Variants in DHX57 observed in about 807,000 individuals in gnomAD.
The protein encoded by DHX57 is putative ATP-dependent RNA helicase DHX57.
A neutral mutation model predicts 156.2 loss-of-function variants in DHX57; 105 were observed. The observed-to-expected ratio is 0.67, with a 90% confidence interval of 0.57 to 0.79. The LOEUF (loss-of-function observed/expected upper bound fraction) is 0.79. DHX57 is among the 30% of genes least tolerant of loss of function. The pLI is 0.00. For synonymous variants in DHX57, 704 were observed against 595.6 expected (o/e 1.18, Z -2.65); for missense variants, 1,847 against 1,661.9 (o/e 1.11, Z -1.94).
In DHX57 at chr2:38,806,586, G is replaced by T; in HGVS notation, c.3789C>A (p.His1263Gln). The change falls in exon 22 of 24, where the codon CAC (histidine) becomes CAA (glutamine). Residue 1263 changes from histidine to glutamine, a missense_variant. Transcript: ENST00000457308. ...KFVTKNDGYV[H>Q]IHPSSVNYQV... ...GATAGTTCACTGATGAAGGGTGAAT[G>T]TGTACATATCCATCGTTCTTGGTGA... 1 of 1,614,140 alleles carries T rather than the reference G, an allele frequency of 6.2e-7. No individual in the cohort carries two copies. Among genetic ancestry groups the T allele is most frequent in the Non-Finnish European group, 8.5e-7 (1 of 1,180,014 alleles).
intron 23 of DHX57, 149 bp downstream of exon 23, chr2:38,802,566 G>A: frequency 1.1e-6 from 1 of 951,256 alleles, no homozygotes; most frequent in Non-Finnish European, 1.5e-6. Flanking sequence ...GGGATTATAG[G>A]TGTGAGCCAC....
In DHX57 at chr2:38,798,252, G is replaced by T. The variant is rs1296665520; in HGVS notation, c.*47C>A. On this transcript the variant is annotated 3_prime_UTR_variant, in exon 24 of 24. Coordinates refer to ENST00000457308, the MANE Select transcript of DHX57 (RefSeq NM_198963.3). The stretch of plus-strand genomic sequence containing the variant: ...GTAGAGGTTCTGCTGTTATTTCCCA[G>T]GTGAGCTAGAAGCAGGTGAGTAGCA... The T allele has an allele frequency of 2.5e-6, 4 of 1,575,250 alleles. No homozygotes were observed. Among genetic ancestry groups the T allele is most frequent in the Admixed American group, 1.9e-5 (1 of 53,130 alleles).
chr2:38,826,447 A>G, intron 15 of DHX57, 69 bp downstream of exon 15: 1 of 1,536,080 alleles, frequency 6.5e-7, no homozygotes, highest in Non-Finnish European at 8.9e-7. Context: ...AGCATTAGCC[A>G]CTAACAACGG....
intron 19 of DHX57, 106 bp from the exon 20 acceptor site, chr2:38,815,761 T>A (rs1670516656): frequency 1.4e-6 from 2 of 1,402,522 alleles, no homozygotes; most frequent in Non-Finnish European, 2.0e-6. Context: ...GGGGTAGCAA[T>A]GAGGCTCAAG....
In DHX57 at chr2:38,855,073, C is replaced by T. The variant is rs1168173782; in HGVS notation, c.1889G>A (p.Arg630Gln). The part of the protein sequence containing the change: ...RVGLTVGYQI[R>Q]LESVKSSATR... ...CATACAAACCTTGACACTTTCTAACCGAATCTGGTATCCCACGGTCAGACC... is the reference window on the plus strand; with the variant it reads ...CATACAAACCTTGACACTTTCTAACTGAATCTGGTATCCCACGGTCAGACC... The change falls in exon 8 of 24, where the codon CGG (arginine) becomes CAG (glutamine). Residue 630 changes from arginine (R) to glutamine (Q), a missense_variant. Physicochemically the swap from Arg to Gln is conservative, Grantham distance 43. Transcript: ENST00000457308. The T allele has an allele frequency of 5.0e-6, 8 of 1,614,046 alleles. No homozygotes were observed. The highest frequency in any genetic ancestry group is 2.2e-5 in the South Asian group (2 of 91,066).
intron 19 of DHX57, among the ~76,000 whole-genome samples, chr2:38,817,358 A>C (rs1229619750): frequency 6.6e-6 from 1 of 152,076 alleles, no homozygotes; most frequent in East Asian, 1.9e-4. Context: ...TCTGTTGCCC[A>C]GGCTGGAGTG....
At chr2:38,818,822 C>T (rs1670672788) in intron 19 of DHX57, 55 bp downstream of exon 19, 1 of 1,585,026 alleles carries the variant, frequency 6.3e-7, no homozygotes, top group Admixed American at 1.7e-5. Flanking sequence ...TCGCAGCACC[C>T]TCTGGTGAGC....
At chr2:38,871,698 T>A (rs1471848824) in intron 1 of DHX57, among the ~76,000 whole-genome samples, 4 of 149,634 alleles carry the variant, frequency 2.7e-5, no homozygotes, top group Non-Finnish European at 5.9e-5. Context: ...ACTTATTTTA[T>A]AATAACTCAT....
chr2:38,831,382 T>G (rs948080934), intron 13 of DHX57, among the ~76,000 whole-genome samples: 13 of 149,306 alleles, frequency 8.7e-5, no homozygotes, highest in Non-Finnish European at 7.4e-5. Flanking sequence ...CAGGCTGGAG[T>G]GCAATGGAGG....
chr2:38,810,077 T>C (rs1670162535), intron 21 of DHX57, among the ~76,000 whole-genome samples: 1 of 151,964 alleles, frequency 6.6e-6, no homozygotes, highest in Non-Finnish European at 1.5e-5. Flanking sequence ...TATTTTTTAG[T>C]AGAGATGGGG....
chr2:38,870,696 A>G (rs1665312316), intron 1 of DHX57, among the ~76,000 whole-genome samples: 2 of 152,098 alleles, frequency 1.3e-5, no homozygotes, highest in Admixed American at 1.3e-4. Context: ...TGGCTAACAC[A>G]GTGAAACCCT....
intron 12 of DHX57, 69 bp from the exon 13 acceptor site, chr2:38,838,016 T>C (rs931291265): frequency 2.0e-6 from 2 of 985,668 alleles, no homozygotes; most frequent in East Asian, 2.4e-5. Context: ...TGTATATTTA[T>C]ACCATATACA....
rs1422318310 is a variant in DHX57 at position 38,837,962 on chromosome 2, G to C, written c.2426-15C>G. The C allele has an allele frequency of 2.0e-6, 3 of 1,510,682 alleles. No homozygotes were observed. The highest frequency in any genetic ancestry group is 2.8e-6 in the Non-Finnish European group (3 of 1,087,784). 93.6% of individuals were successfully genotyped at this position (1,510,682 alleles called of 1,614,324 possible). Reference sequence around the variant, plus strand: ...CTTGCTAACCCCTGAAAGAAAGAAAGGTAAAAATGAGAAGGATATTTATAC... The same window carrying C: ...CTTGCTAACCCCTGAAAGAAAGAAACGTAAAAATGAGAAGGATATTTATAC... On this transcript the variant is annotated splice_polypyrimidine_tract_variant and intron_variant, in intron 12 of 23. Transcript: ENST00000457308.
At chr2:38,826,490 T>G (rs1671091555) in intron 15 of DHX57, 26 bp downstream of exon 15, 1 of 1,607,542 alleles carries the variant, frequency 6.2e-7, no homozygotes, top group Non-Finnish European at 8.5e-7. Context: ...TTAGCCCCTC[T>G]CTTACATCAC....
intron 21 of DHX57, among the ~76,000 whole-genome samples, chr2:38,808,094 A>G (rs1176811281): frequency 2.6e-5 from 4 of 151,236 alleles, no homozygotes; most frequent in Non-Finnish European, 4.4e-5. Flanking sequence ...AGCTGGGACT[A>G]AAGGTGCACG....
chr2:38,826,641 C>T lies in DHX57; in HGVS notation c.2688G>A (p.Gln896=). 1 of 1,614,164 alleles carries T rather than the reference C, an allele frequency of 6.2e-7. No homozygotes were observed. The highest frequency in any genetic ancestry group is 8.5e-7 in the Non-Finnish European group (1 of 1,180,008). Residue 896 remains glutamine, a synonymous_variant, in exon 15 of 24, where the codon CAG becomes CAA. Transcript: ENST00000457308. The part of the protein sequence containing the change: ...LHSSLSSEEQ[Q]AVFVKPPAGV... ...CTGCAGGAGGTTTTACAAACACAGC[C>T]TGCTGCTCTTCACTGGATAAAGATG...
intron 19 of DHX57, chr2:38,816,216 A>T (rs1163348588): frequency 6.4e-6 from 3 of 469,476 alleles, no homozygotes; most frequent in Non-Finnish European, 1.3e-5. Context: ...AAGTGATTCA[A>T]TATTTTTTTT....
intron 9 of DHX57, among the ~76,000 whole-genome samples, chr2:38,852,246 G>A (rs1672636150): frequency 6.8e-6 from 1 of 148,078 alleles, no homozygotes; most frequent in Non-Finnish European, 1.5e-5. Context: ...GCGCAATCTC[G>A]GCTCACGGCA....
chr2:38,822,086 G>A (rs891642028), intron 17 of DHX57, among the ~76,000 whole-genome samples: 2 of 151,894 alleles, frequency 1.3e-5, no homozygotes, highest in African/African-American at 4.8e-5. Flanking sequence ...AACATTTAAT[G>A]ATAATTTTTT....
Sources: gnomAD v4.1 joint callset for allele counts (sites outside exome capture counted in the v4.1 genomes callset) on GRCh38, gnomAD v4.1.1 for gene constraint, MANE v1.5 for transcripts, NCBI Gene and HGNC (gene_info 2026-07-23, HGNC 2026-07-21) for gene names.